DDHD1: variants seen among roughly 807,000 people sequenced by gnomAD.
DDHD1 encodes DDHD domain containing 1.
DDHD1 carries 49 observed loss-of-function variants against 96.4 expected under a neutral mutation model. The observed-to-expected ratio is 0.51, with a 90% CI of 0.40 to 0.64. DDHD1 has a LOEUF of 0.64. Among genes scored for constraint, DDHD1 ranks in the 30% least tolerant of loss-of-function variants. The pLI, the probability that DDHD1 is intolerant of heterozygous loss-of-function variation, is 0.00. For synonymous variants in DDHD1, 442 were observed against 446.5 expected, an observed-to-expected ratio of 0.99 and a Z score of 0.13; for missense variants, 1,106 against 1,161.2, an observed-to-expected ratio of 0.95 and a Z score of 0.69.
At chr14:53,144,970 T>G (rs952201120) in intron 1 of DDHD1, among the ~76,000 whole-genome samples, 12 of 151,546 alleles carry the variant, frequency 7.9e-5, no homozygotes, top group Admixed American at 3.3e-4. Context: ...ACCAACATGG[T>G]GAAACCCTGT....
rs560282496 is a variant in DDHD1, at chr14:53,057,960, T to C, written c.1992+517A>G. On this transcript the variant is annotated intron_variant, in intron 9 of 12. Coordinates refer to ENST00000673822, the MANE Select transcript of DDHD1 (RefSeq NM_001160148.2). Reference sequence around the variant, plus strand: ...TGCCTCCCAGGTTCAAGCAATTCTATTGCCTCAGCCTCCCGAGTAGCTGGG... The same window carrying C: ...TGCCTCCCAGGTTCAAGCAATTCTACTGCCTCAGCCTCCCGAGTAGCTGGG... Among the ~76,000 whole-genome samples the C allele has an allele frequency of 4.6e-5, 7 of 151,992 alleles. 1 individual carries two copies. In the East Asian group the frequency reaches 1.2e-3, roughly 25 times the overall value.
At chr14:53,049,657 CAAAAAAAAAA>C (rs11323291) in intron 12 of DDHD1, among the ~76,000 whole-genome samples, 7 of 84,718 alleles carry the variant, frequency 8.3e-5, no homozygotes, top group African/African-American at 4.5e-5. Context: ...TGAGCTAGGT[CAAAAAAAAAA>C]AAAAAAAAAA....
chr14:53,079,080 TTA>T, intron 4 of DDHD1, among the ~76,000 whole-genome samples: 1 of 152,276 alleles, frequency 6.6e-6, no homozygotes, highest in South Asian at 2.1e-4. Flanking sequence ...ATATAACCAT[TTA>T]TATATGGTGC....
chr14:53,093,108 A>T, intron 3 of DDHD1: 1 of 341,552 alleles, frequency 2.9e-6, no homozygotes, highest in Non-Finnish European at 4.9e-6. Flanking sequence ...TAATTTTGTC[A>T]AATCATTCTA....
At chr14:53,077,664 TTTTTG>T (rs1279274149) in intron 4 of DDHD1, among the ~76,000 whole-genome samples, 3 of 53,912 alleles carry the variant, frequency 5.6e-5, no homozygotes, top group South Asian at 1.9e-3. Flanking sequence ...TTAGTTTTTG[TTTTTG>T]TTTTTTTTTT....
intron 4 of DDHD1, among the ~76,000 whole-genome samples, chr14:53,075,477 G>A (rs555572423): frequency 1.2e-4 from 19 of 152,240 alleles, no homozygotes; most frequent in South Asian, 4.1e-4. Context: ...AGAAGCTACC[G>A]AAGAAAAGTT....
At chr14:53,078,996 G>T (rs1885204218) in intron 4 of DDHD1, among the ~76,000 whole-genome samples, 1 of 151,140 alleles carries the variant, frequency 6.6e-6, no homozygotes. Context: ...CTACACATGT[G>T]GTGGATTACC....
At chr14:53,091,558 C>T (rs191134046) in intron 4 of DDHD1, among the ~76,000 whole-genome samples, 35 of 152,242 alleles carry the variant, frequency 2.3e-4, no homozygotes, top group African/African-American at 7.7e-4. Flanking sequence ...CTTCCTTATC[C>T]CTCTTCTCCA....
chr14:53,125,330 T>A (rs960480908), intron 1 of DDHD1, among the ~76,000 whole-genome samples: 1 of 152,186 alleles, frequency 6.6e-6, no homozygotes, highest in African/African-American at 2.4e-5. Context: ...CAGAATTTTA[T>A]ATGCTTAGGG....
At position 53,153,170 on chromosome 14, in the gene DDHD1, A is replaced by T. The variant is rs1595290762; in HGVS notation, c.-72T>A. 1.8e-6 allele frequency: 2 copies of T among 1,128,186 alleles called. No homozygotes were observed. The highest frequency in any genetic ancestry group is 2.3e-6 in the Non-Finnish European group (2 of 867,270). The allele number at this position is 1,128,186 out of a possible 1,614,324, so 69.9% of individuals were successfully genotyped here. ...CCCCAGCGCTTCCGCCACACATTCA[A>T]CGCCGCCGCCCTCTCCACCCGAAGT... On this transcript the variant is annotated 5_prime_UTR_variant, in exon 1 of 13. In the 5' UTR this introduces an upstream ATG that the reference lacks. Transcript: ENST00000673822.
rs1566498884 is a variant in DDHD1 at position 53,038,711 on chromosome 14, A to C, written c.*8057T>G. On this transcript the variant is annotated 3_prime_UTR_variant, in exon 13 of 13. Coordinates refer to ENST00000673822, the MANE Select transcript of DDHD1 (RefSeq NM_001160148.2). ...CTATTCTAAAATTCAGATGGAACCA[A>C]AGAAAGAGCCTGAATAGCCAAAGCA... 6.6e-6 allele frequency: 1 copy of C among 152,188 alleles called. No homozygotes were observed. The highest frequency in any genetic ancestry group is 1.5e-5 in the Non-Finnish European group (1 of 68,024). The allele number at this position is 152,188 out of a possible 1,614,324, so 9.4% of individuals were successfully genotyped here.
chr14:53,141,220 C>CA (rs1233890700), intron 1 of DDHD1, among the ~76,000 whole-genome samples: 3 of 152,064 alleles, frequency 2.0e-5, no homozygotes, highest in Non-Finnish European at 4.4e-5. Flanking sequence ...GTAGAAAGAA[C>CA]AAAAGAGATT....
In DDHD1 at chr14:53,037,418, AT is replaced by A. The variant is rs1295521221; in HGVS notation, c.*9349del. On this transcript the variant is annotated 3_prime_UTR_variant, in exon 13 of 13. Transcript: ENST00000673822. The stretch of plus-strand genomic sequence containing the variant: ...TTCTCTGAAACCTTACTGGCATGTT[AT>A]TAGACTTCTTTACAATAGCCATTCT... 2 of 152,050 alleles carry A rather than the reference AT, an allele frequency of 1.3e-5. No individual in the cohort carries two copies. Among genetic ancestry groups the A allele is most frequent in the Non-Finnish European group, 2.9e-5 (2 of 67,962 alleles). The allele number at this position is 152,050 out of a possible 1,614,324, so 9.4% of individuals were successfully genotyped here.
rs548552998 is a variant in DDHD1 at position 53,146,841 on chromosome 14, C to T, written c.838+5420G>A. On this transcript the variant is annotated intron_variant, in intron 1 of 12. Coordinates refer to ENST00000673822, the MANE Select transcript of DDHD1 (RefSeq NM_001160148.2). ...ATACAGTAACTATAAAAAAATTTTT[C>T]CTTGTTCTACTTTTTAACTGAACTT... Among the ~76,000 whole-genome samples, 8 of 152,106 alleles carry T rather than the reference C, an allele frequency of 5.3e-5. No homozygotes were observed. In the East Asian group the frequency reaches 9.7e-4, roughly 18 times the overall value.
chr14:53,056,740 G>C (rs565098064), intron 9 of DDHD1, among the ~76,000 whole-genome samples: 2 of 152,088 alleles, frequency 1.3e-5, no homozygotes, highest in South Asian at 4.1e-4. Context: ...GCCTTGCACC[G>C]TTCTGACGTA....
intron 7 of DDHD1, 115 bp downstream of exon 7, chr14:53,062,828 T>C: frequency 8.9e-7 from 1 of 1,118,682 alleles, no homozygotes; most frequent in South Asian, 1.6e-5. Context: ...ATAGTAATCT[T>C]TGTATCTTGA....
chr14:53,140,870 G>A (rs777322875), intron 1 of DDHD1, among the ~76,000 whole-genome samples: 45 of 152,130 alleles, frequency 3.0e-4, no homozygotes, highest in Non-Finnish European at 5.6e-4. Context: ...AAAAGGACAG[G>A]AAAAGATACA....
chr14:53,121,907 T>G (rs1889020536), intron 1 of DDHD1, among the ~76,000 whole-genome samples: 1 of 125,356 alleles, frequency 8.0e-6, no homozygotes, highest in Non-Finnish European at 1.6e-5. Context: ...GTTCTGCGCA[T>G]GTATCCCAGA....
At chr14:53,063,824 C>G (rs1883799371) in intron 6 of DDHD1, among the ~76,000 whole-genome samples, 1 of 152,020 alleles carries the variant, frequency 6.6e-6, no homozygotes, top group Non-Finnish European at 1.5e-5. Context: ...GAAAGCAGGG[C>G]TATTTTAAGT....
Sources: allele counts gnomAD v4.1 joint callset (sites outside exome capture counted in the v4.1 genomes callset), GRCh38; gene constraint gnomAD v4.1.1; transcripts MANE v1.5; gene names NCBI Gene and HGNC (gene_info 2026-07-23, HGNC 2026-07-21).